Variants in HS3ST4 observed in about 807,000 individuals in gnomAD.
The protein encoded by HS3ST4 is heparan sulfate-glucosamine 3-sulfotransferase 4.
Under a neutral mutation model 29.2 loss-of-function variants are expected in HS3ST4, and 17 were observed. The observed-to-expected ratio is 0.58, with a 90% CI of 0.40 to 0.87. HS3ST4 has a LOEUF of 0.87. Among genes scored for constraint, HS3ST4 ranks in the 40% least tolerant of loss-of-function variants. The probability of loss-of-function intolerance (pLI) is 0.00; values close to 1 mark genes in which losing one functional copy is unlikely to be tolerated. For synonymous variants in HS3ST4, 314 were observed against 285.7 expected, an observed-to-expected ratio of 1.10 and a Z score of -1.00; for missense variants, 627 against 634.5, an observed-to-expected ratio of 0.99 and a Z score of 0.13.
At chr16:25,750,349 G>A (rs943533763) in intron 1 of HS3ST4, among the ~76,000 whole-genome samples, 20 of 152,106 alleles carry the variant, frequency 1.3e-4, no homozygotes, top group East Asian at 3.9e-4. Flanking sequence ...TGGACATCAC[G>A]TACCATCATT....
At chr16:25,799,886 G>T (rs1207550868) in intron 1 of HS3ST4, among the ~76,000 whole-genome samples, 1 of 151,866 alleles carries the variant, frequency 6.6e-6, no homozygotes, top group African/African-American at 2.4e-5. Flanking sequence ...CACTATGTTG[G>T]TCAGGCTAGA....
chr16:26,002,298 C>T (rs1470781061), intron 1 of HS3ST4, among the ~76,000 whole-genome samples: 3 of 152,036 alleles, frequency 2.0e-5, no homozygotes, highest in Admixed American at 6.6e-5. Flanking sequence ...AATGTAAGGG[C>T]GTACAAAGAG....
intron 1 of HS3ST4, among the ~76,000 whole-genome samples, chr16:25,778,256 G>A (rs868127275): frequency 2.0e-5 from 3 of 152,118 alleles, no homozygotes; most frequent in Admixed American, 2.0e-4. Context: ...AGGGATGTTG[G>A]CCATTTGGCC....
At chr16:26,045,833 TTG>T (rs1050915501) in intron 1 of HS3ST4, among the ~76,000 whole-genome samples, 20 of 152,244 alleles carry the variant, frequency 1.3e-4, no homozygotes, top group Non-Finnish European at 7.3e-5. Flanking sequence ...GACCTTTTCC[TTG>T]ACCACATTTA....
chr16:25,999,805 ATG>A (rs1474152874), intron 1 of HS3ST4, among the ~76,000 whole-genome samples: 79 of 128,110 alleles, frequency 6.2e-4, no homozygotes, highest in South Asian at 3.3e-3. Flanking sequence ...TATATATTAT[ATG>A]TATATTTTAT....
intron 1 of HS3ST4, among the ~76,000 whole-genome samples, chr16:25,791,124 ATAGAATCATTTATTAAAAATCCAC>A (rs1424206085): frequency 6.6e-6 from 1 of 151,970 alleles, no homozygotes; most frequent in Non-Finnish European, 1.5e-5. Flanking sequence ...TCCATGTGAT[ATAGAATCATTTATTAAAAATCCAC>A]TTTCCCCGCA....
At chr16:26,043,890 C>T (rs1379085987) in intron 1 of HS3ST4, among the ~76,000 whole-genome samples, 6 of 152,176 alleles carry the variant, frequency 3.9e-5, no homozygotes, top group African/African-American at 1.4e-4. Context: ...ATTCTCCCTG[C>T]CACTACCTCA....
chr16:25,854,469 G>T (rs8057798), intron 1 of HS3ST4, among the ~76,000 whole-genome samples: 108,924 of 151,672 alleles, frequency 0.72, 40,407 homozygotes, highest in African/African-American at 0.91. Flanking sequence ...GTTGCCTTCT[G>T]TATTGCCATC....
intron 1 of HS3ST4, among the ~76,000 whole-genome samples, chr16:26,059,524 C>T (rs962643290): frequency 3.3e-5 from 5 of 152,072 alleles, no homozygotes; most frequent in Non-Finnish European, 5.9e-5. Context: ...GGTGAGAAAA[C>T]CCAAATTAAT....
At chr16:26,105,718 C>T (rs11862834) in intron 1 of HS3ST4, among the ~76,000 whole-genome samples, 21,763 of 152,294 alleles carry the variant, frequency 0.14, 1,629 homozygotes, top group Admixed American at 0.19. Flanking sequence ...GACGGGCTTT[C>T]GCCCCAGAAT....
intron 1 of HS3ST4, among the ~76,000 whole-genome samples, chr16:26,043,361 C>T (rs1304497814): frequency 1.3e-5 from 2 of 152,130 alleles, no homozygotes; most frequent in African/African-American, 4.8e-5. Context: ...TCTCTCATAC[C>T]TCTCCTCTCT....
chr16:25,756,111 A>AACAC (rs1008972212), intron 1 of HS3ST4, among the ~76,000 whole-genome samples: 1 of 144,612 alleles, frequency 6.9e-6, no homozygotes, highest in African/African-American at 2.6e-5. Context: ...GTGTTATAGA[A>AACAC]ACACACACAC....
chr16:25,911,982 G>A (rs954006074), intron 1 of HS3ST4, among the ~76,000 whole-genome samples: 1 of 152,136 alleles, frequency 6.6e-6, no homozygotes, highest in African/African-American at 2.4e-5. Flanking sequence ...ATGGGGTTTG[G>A]GTAAAGCAAG....
chr16:25,857,089 A>T (rs1967580309), intron 1 of HS3ST4, among the ~76,000 whole-genome samples: 1 of 152,210 alleles, frequency 6.6e-6, no homozygotes, highest in Non-Finnish European at 1.5e-5. Context: ...AGTTGATGTC[A>T]GAGAATCAGA....
At chr16:25,980,469 G>A (rs1343813167) in intron 1 of HS3ST4, among the ~76,000 whole-genome samples, 2 of 152,202 alleles carry the variant, frequency 1.3e-5, no homozygotes, top group Non-Finnish European at 2.9e-5. Context: ...TGACCACAGC[G>A]TTTATCACCA....
chr16:25,910,462 G>A (rs1968227656), intron 1 of HS3ST4, among the ~76,000 whole-genome samples: 1 of 152,064 alleles, frequency 6.6e-6, no homozygotes, highest in East Asian at 1.9e-4. Context: ...CCAATATGGT[G>A]AAACCCTGTC....
intron 1 of HS3ST4, among the ~76,000 whole-genome samples, chr16:26,106,156 C>G (rs988600328): frequency 1.3e-5 from 2 of 152,222 alleles, no homozygotes; most frequent in Non-Finnish European, 2.9e-5. Flanking sequence ...CTATTCATAA[C>G]AGACTCCTTA....
At chr16:25,817,725 T>G (rs1333619753) in intron 1 of HS3ST4, among the ~76,000 whole-genome samples, 6 of 152,248 alleles carry the variant, frequency 3.9e-5, no homozygotes, top group Non-Finnish European at 8.8e-5. Context: ...TTCATCAACA[T>G]ACAGAGGACA....
In HS3ST4 at chr16:26,136,384, C is replaced by A; in HGVS notation, c.*136C>A. The stretch of plus-strand genomic sequence containing the variant: ...CTCCTCCTTCATGCAGCCAGGATTG[C>A]CTCCAGTGCTGTTAGCTTAGGCAAA... On this transcript the variant is annotated 3_prime_UTR_variant, in exon 2 of 2. Coordinates refer to ENST00000331351, the MANE Select transcript of HS3ST4 (RefSeq NM_006040.3). 1.2e-6 allele frequency: 1 copy of A among 842,612 alleles called. No homozygotes were observed. Among genetic ancestry groups the A allele is most frequent in the Non-Finnish European group, 1.8e-6 (1 of 557,140 alleles). 52.2% of individuals were successfully genotyped at this position (842,612 alleles called of 1,614,324 possible).
Sources: allele counts gnomAD v4.1 joint callset (sites outside exome capture counted in the v4.1 genomes callset), GRCh38; gene constraint gnomAD v4.1.1; transcripts MANE v1.5; gene names NCBI Gene and HGNC (gene_info 2026-07-23, HGNC 2026-07-21).